The following MON1A variants were observed in gnomAD, a reference collection of about 807,000 sequenced individuals.
The protein encoded by MON1A is vacuolar fusion protein MON1 homolog A.
Under a neutral mutation model 44.6 loss-of-function variants are expected in MON1A, and 29 were observed. That is an observed-to-expected ratio of 0.65 (90% CI 0.48 to 0.89). The LOEUF (loss-of-function observed/expected upper bound fraction) is 0.89. Ranked by LOEUF, MON1A falls within the 40% of genes least tolerant of loss-of-function variation. MON1A has a pLI of 0.00. For synonymous variants in MON1A, 275 were observed against 316.4 expected (o/e 0.87, Z 1.39); for missense variants, 615 against 759.6 (o/e 0.81, Z 2.24).
intron 1 of MON1A, among the ~76,000 whole-genome samples, chr3:49,917,273 ATTTCTTTTCT>A (rs373885754): frequency 1.4e-4 from 21 of 151,838 alleles, no homozygotes; most frequent in African/African-American, 3.1e-4. Context: ...AATGCCCTAC[ATTTCTTTTCT>A]TTTCTTTTCT....
Position 49,910,203 on chromosome 3 carries a change from G to A in MON1A, c.1295C>T (p.Thr432Ile), listed in dbSNP as rs751716934. The change falls in exon 4 of 6, where the codon ACA (threonine) becomes ATA (isoleucine). Residue 432 changes from threonine to isoleucine, a missense_variant. Thr to Ile is a moderately conservative substitution (Grantham distance 89, BLOSUM62 -1). Transcript: ENST00000296473. The surrounding 1 kb of genome is among the most constrained non-coding windows in gnomAD (Gnocchi z 8.0). ...CACTTGGGCAACGCTGTAGTAGGGT[G>A]TGCGCAGTGCCTCTCGCAGGGCCAG... is the stretch of plus-strand genomic sequence containing the variant. ...AHLALREALR[T>I]PYYSVAQVGI... 4 of 1,614,036 alleles carry A rather than the reference G, an allele frequency of 2.5e-6. No individual in the cohort carries two copies. The highest frequency in any genetic ancestry group is 3.4e-6 in the Non-Finnish European group (4 of 1,180,038).
rs1018823024 is a variant in MON1A at position 49,911,759 on chromosome 3, A to G, written c.380T>C (p.Val127Ala). 1.9e-6 allele frequency: 3 copies of G among 1,613,268 alleles called. No homozygotes were observed. Among genetic ancestry groups the G allele is most frequent in the African/African-American group, 2.7e-5 (2 of 74,914 alleles). The change falls in exon 3 of 6, where the codon GTT becomes GCT. Residue 127 changes from valine (V) to alanine (A), a missense_variant. Transcript: ENST00000296473. The surrounding 1 kb of genome is among the most constrained non-coding windows in gnomAD (Gnocchi z 5.7). ...GGGGGGCTCTGTGGCTGGTCGCCCA[A>G]CTGCCCCTGGGGGTTCCAGCCAATC... Reference protein sequence around the residue: ...SEDWLEPPGAVGRPATEPPRE... With the variant: ...SEDWLEPPGAAGRPATEPPRE...
intron 1 of MON1A, chr3:49,915,757 C>T (rs2082937623): frequency 6.6e-6 from 1 of 152,186 alleles, no homozygotes; most frequent in South Asian, 2.1e-4. Context: ...TCTCAGTGCC[C>T]ATGTAATGGC....
intron 1 of MON1A, among the ~76,000 whole-genome samples, chr3:49,920,197 A>C (rs1235476771): frequency 6.6e-6 from 1 of 152,150 alleles, no homozygotes; most frequent in Non-Finnish European, 1.5e-5. Flanking sequence ...TTCACCCATA[A>C]ACAATAGATA....
At chr3:49,920,760 T>A (rs1283457473) in intron 1 of MON1A, 9 of 151,426 alleles carry the variant, frequency 5.9e-5, no homozygotes, top group Admixed American at 2.6e-4. Context: ...ATTGTTTGAA[T>A]GTGGGAGGCG....
In MON1A at chr3:49,910,149, T is replaced by C. The variant is rs2082856238; in HGVS notation, c.1349A>G (p.Tyr450Cys). ...VGIPDLRHFLYKSKSSGLFTS... is the reference protein window; with the variant it reads ...VGIPDLRHFLCKSKSSGLFTS... ...GAAGAGTCCCGAGCTCTTTGACTTA[T>C]AGAGGAAGTGACGCAGGTCAGGGAT... is the stretch of plus-strand genomic sequence containing the variant. Residue 450 changes from tyrosine (Y) to cysteine (C), a missense_variant, in exon 4 of 6, where the codon TAT (tyrosine) becomes TGT (cysteine). Tyr to Cys is a radical substitution (Grantham distance 194). Transcript: ENST00000296473. The surrounding 1 kb of genome is among the most constrained non-coding windows in gnomAD (Gnocchi z 8.0). The C allele has an allele frequency of 5.6e-6, 9 of 1,606,692 alleles. No individual in the cohort carries two copies. Among genetic ancestry groups the C allele is most frequent in the South Asian group, 2.2e-5 (2 of 90,880 alleles).
rs2082892240 is a variant in MON1A at position 49,911,981 on chromosome 3, T to A, written c.158A>T (p.His53Leu). Residue 53 changes from histidine to leucine, a missense_variant, in exon 3 of 6, where the codon CAT (histidine) becomes CTT (leucine). Coordinates refer to ENST00000296473, the MANE Select transcript of MON1A (RefSeq NM_032355.4). The surrounding 1 kb of genome is among the most constrained non-coding windows in gnomAD (Gnocchi z 5.7). ...GAGQEGAMFV[H>L]ARSYEDLTES... ...AGTCAGGTCCTCGTAGGAACGGGCA[T>A]GGACGAACATGGCACCCTCCTGGCC... The A allele has an allele frequency of 6.2e-7, 1 of 1,601,942 alleles. No individual in the cohort carries two copies. The highest frequency in any genetic ancestry group is 1.3e-5 in the African/African-American group (1 of 74,752).
At chr3:49,922,137 CAAA>C (rs57221907) in intron 1 of MON1A, among the ~76,000 whole-genome samples, 4 of 134,990 alleles carry the variant, frequency 3.0e-5, no homozygotes, top group Admixed American at 7.7e-5. Context: ...AGCTCTGTCT[CAAA>C]AAAAAAAAAA....
chr3:49,912,199 C>T (rs1237391023), intron 2 of MON1A, among the ~76,000 whole-genome samples, 188 bp from the exon 3 acceptor site: 2 of 152,290 alleles, frequency 1.3e-5, no homozygotes, highest in South Asian at 2.1e-4. Context: ...CTCCTCTCAT[C>T]GTACTGGAAA....
intron 1 of MON1A, among the ~76,000 whole-genome samples, chr3:49,917,784 C>T (rs1156285608): frequency 9.2e-5 from 14 of 151,610 alleles, no homozygotes; most frequent in Middle Eastern, 3.2e-3. Context: ...TGGTGGCTCA[C>T]GCCTGTAATC....
chr3:49,911,783 T>A lies in MON1A; in HGVS notation c.356A>T (p.Asp119Val). Residue 119 changes from aspartate (D) to valine (V), a missense_variant, in exon 3 of 6, where the codon GAT becomes GTT. Coordinates refer to ENST00000296473, the MANE Select transcript of MON1A (RefSeq NM_032355.4). The surrounding 1 kb of genome is among the most constrained non-coding windows in gnomAD (Gnocchi z 5.7). The stretch of plus-strand genomic sequence containing the variant: ...AACTGCCCCTGGGGGTTCCAGCCAA[T>A]CCTCAGAGCTTCCTGGCAGCATCTC... ...QEEMLPGSSE[D>V]WLEPPGAVGR... 6.2e-7 allele frequency: 1 copy of A among 1,613,678 alleles called. No homozygotes were observed. Among genetic ancestry groups the A allele is most frequent in the Non-Finnish European group, 8.5e-7 (1 of 1,179,846 alleles).
chr3:49,926,615 C>T (rs1350192696), intron 1 of MON1A, among the ~76,000 whole-genome samples: 2 of 152,048 alleles, frequency 1.3e-5, no homozygotes, highest in African/African-American at 2.4e-5. Context: ...TGCCACCACG[C>T]CTGGCTAATT....
In MON1A at chr3:49,921,334, T is replaced by C. The variant is rs368370990; in HGVS notation, c.-13-7975A>G. ...CACCACACCCGGCTAATTTTTTGTATTTTTTAGTAGAGACGAGGTTTCACC... is the reference window on the plus strand; with the variant it reads ...CACCACACCCGGCTAATTTTTTGTACTTTTTAGTAGAGACGAGGTTTCACC... On this transcript the variant is annotated intron_variant, in intron 1 of 5. Coordinates refer to ENST00000296473, the MANE Select transcript of MON1A (RefSeq NM_032355.4). Among the ~76,000 whole-genome samples the C allele has an allele frequency of 1.1e-4, 17 of 150,630 alleles. No homozygotes were observed. The East Asian group carries it at 2.5e-3, about 22-fold the overall frequency.
intron 2 of MON1A, chr3:49,912,263 A>C: frequency 2.3e-6 from 1 of 441,708 alleles, no homozygotes; most frequent in Non-Finnish European, 4.0e-6. Flanking sequence ...CCTACCTCTC[A>C]TTCCCATCTC....
chr3:49,915,840 G>T (rs1483286012), intron 1 of MON1A: 1 of 152,264 alleles, frequency 6.6e-6, no homozygotes, highest in Non-Finnish European at 1.5e-5. Flanking sequence ...ACAAGTGAAT[G>T]TCAGTGGTAA....
chr3:49,925,468 A>G (rs1225619217), intron 1 of MON1A, among the ~76,000 whole-genome samples: 4 of 152,200 alleles, frequency 2.6e-5, no homozygotes, highest in African/African-American at 9.7e-5. Context: ...AATCTTATCT[A>G]TATTTTTAAC....
chr3:49,911,991 TG>T lies in MON1A; in HGVS notation c.147del (p.Met50CysfsTer11). ...TCGTAGGAACGGGCATGGACGAACATGGCACCCTCCTGGCCCGCACCTGCAG... is the reference window on the plus strand; with the variant it reads ...TCGTAGGAACGGGCATGGACGAACATGCACCCTCCTGGCCCGCACCTGCAG... ...GMEPGAGQEG[A>X]MFVHARSYED... On this transcript the variant is annotated frameshift_variant, in exon 3 of 6. Coordinates refer to ENST00000296473, the MANE Select transcript of MON1A (RefSeq NM_032355.4). LOFTEE classifies it high-confidence loss of function. The surrounding 1 kb of genome is among the most constrained non-coding windows in gnomAD (Gnocchi z 5.7). 1 of 1,597,678 alleles carries T rather than the reference TG, an allele frequency of 6.3e-7. No homozygotes were observed. The highest frequency in any genetic ancestry group is 8.5e-7 in the Non-Finnish European group (1 of 1,170,026).
In MON1A at chr3:49,910,410, G is replaced by A. The variant is rs963475088; in HGVS notation, c.1088C>T (p.Ala363Val). ...TTTGGGCAGGCACACGGGCGTCCAG[G>A]CCTCGCCCTCGCGAAAGGACGAGGA... The part of the protein sequence containing the change: ...SSSSSFREGE[A>V]WTPVCLPKFN... The change falls in exon 4 of 6, where the codon GCC (alanine) becomes GTC (valine). Residue 363 changes from alanine (A) to valine (V), a missense_variant. Transcript: ENST00000296473. This position sits in a 1 kb window ranked among gnomAD's most constrained non-coding sequence, Gnocchi z 8.0. 5 of 1,614,124 alleles carry A rather than the reference G, an allele frequency of 3.1e-6. No individual in the cohort carries two copies. The highest frequency in any genetic ancestry group is 3.4e-6 in the Non-Finnish European group (4 of 1,180,056).
chr3:49,913,660 A>ATT (rs1165487319), intron 1 of MON1A, among the ~76,000 whole-genome samples: 26 of 113,674 alleles, frequency 2.3e-4, no homozygotes, highest in East Asian at 4.3e-4. Context: ...TCCTTCTAGT[A>ATT]TTTTTTTTTT....
Sources: gnomAD v4.1 joint callset for allele counts (sites outside exome capture counted in the v4.1 genomes callset) on GRCh38, gnomAD v4.1.1 for gene constraint, Gnocchi (gnomAD v3.1) non-coding constraint, MANE v1.5 for transcripts, NCBI Gene and HGNC (gene_info 2026-07-23, HGNC 2026-07-21) for gene names.